Variants in XPNPEP3 observed in about 807,000 individuals in gnomAD.
XPNPEP3 encodes xaa-Pro aminopeptidase 3.
A neutral mutation model predicts 60.0 loss-of-function variants in XPNPEP3; 41 were observed. The observed-to-expected ratio is 0.68, with a 90% CI of 0.53 to 0.89. The LOEUF is 0.89. Ranked by LOEUF, XPNPEP3 falls within the 40% of genes least tolerant of loss-of-function variation. XPNPEP3 has a pLI of 0.00. For synonymous variants in XPNPEP3, 212 were observed against 223.2 expected (o/e 0.95, Z 0.45); for missense variants, 598 against 638.9 (o/e 0.94, Z 0.69).
At chr22:40,875,972 A>T (rs991794936) in intron 2 of XPNPEP3, among the ~76,000 whole-genome samples, 2 of 152,126 alleles carry the variant, frequency 1.3e-5, no homozygotes, top group African/African-American at 4.8e-5. Context: ...GTGAGCTAAG[A>T]TTGCGCCACT....
intron 4 of XPNPEP3, among the ~76,000 whole-genome samples, chr22:40,887,337 A>G (rs2058073305): frequency 6.6e-6 from 1 of 152,146 alleles, no homozygotes; most frequent in Non-Finnish European, 1.5e-5. Flanking sequence ...TCTTTCTCTT[A>G]CAGATTAGGA....
intron 1 of XPNPEP3, among the ~76,000 whole-genome samples, chr22:40,865,325 CT>C (rs11365518): frequency 0.45 from 50,546 of 112,522 alleles, 10,204 homozygotes; most frequent in Admixed American, 0.58. Flanking sequence ...GCCCTCCTCA[CT>C]TTTTTTTTTT....
In XPNPEP3 at chr22:40,886,318, A is replaced by G; in HGVS notation, c.595A>G (p.Thr199Ala). Reference protein sequence around the residue: ...QHLLPKMKAETNMVWYDWMRP... With the variant: ...QHLLPKMKAEANMVWYDWMRP... ...TTTCGGCTTCTCATTCTAAGCTGAG[A>G]CGAACATGGTTTGGTATGACTGGAT... The change falls in exon 4 of 10, where the codon ACG becomes GCG. Residue 199 changes from threonine (T) to alanine (A), a missense_variant. Physicochemically the swap from Thr to Ala is moderately conservative, Grantham distance 58 (BLOSUM62 0). Transcript: ENST00000357137. 2 of 1,614,016 alleles carry G rather than the reference A, an allele frequency of 1.2e-6. No homozygotes were observed. The highest frequency in any genetic ancestry group is 1.7e-6 in the Non-Finnish European group (2 of 1,180,002).
At chr22:40,892,642 A>T (rs2058092505) in intron 4 of XPNPEP3, among the ~76,000 whole-genome samples, 1 of 152,188 alleles carries the variant, frequency 6.6e-6, no homozygotes, top group East Asian at 1.9e-4. Flanking sequence ...CTATTTGTAC[A>T]ACTGTTTCAT....
chr22:40,858,522 CTTTTTTTTTTTT>C (rs34319696), intron 1 of XPNPEP3, among the ~76,000 whole-genome samples: 18 of 85,476 alleles, frequency 2.1e-4, no homozygotes, highest in African/African-American at 7.6e-4. Flanking sequence ...GCTGGAGAAG[CTTTTTTTTTTTT>C]TTTTTTTTTT....
At chr22:40,877,395 T>C (rs1047397286) in intron 2 of XPNPEP3, among the ~76,000 whole-genome samples, 1 of 152,214 alleles carries the variant, frequency 6.6e-6, no homozygotes, top group Non-Finnish European at 1.5e-5. Flanking sequence ...CAGGAAATAA[T>C]TAAAAATACA....
intron 2 of XPNPEP3, among the ~76,000 whole-genome samples, chr22:40,877,731 G>A (rs751520061): frequency 2.6e-5 from 4 of 152,040 alleles, no homozygotes; most frequent in East Asian, 1.9e-4. Flanking sequence ...GTTTTACCAC[G>A]TTGCCTGAGG....
chr22:40,873,098 C>CTTT (rs138353), intron 2 of XPNPEP3, among the ~76,000 whole-genome samples: 175 of 88,508 alleles, frequency 2.0e-3, no homozygotes, highest in Non-Finnish European at 2.4e-3. Context: ...TTTTCTTTTT[C>CTTT]TTTTTTTTTT....
intron 2 of XPNPEP3, among the ~76,000 whole-genome samples, chr22:40,873,623 A>C (rs2058016482): frequency 6.6e-6 from 1 of 151,884 alleles, no homozygotes; most frequent in African/African-American, 2.4e-5. Context: ...CAAAAAAGTA[A>C]GCAAAATTAG....
At chr22:40,875,919 C>T (rs12162697) in intron 2 of XPNPEP3, among the ~76,000 whole-genome samples, 3 of 151,722 alleles carry the variant, frequency 2.0e-5, no homozygotes, top group Admixed American at 6.6e-5. Flanking sequence ...ACTCAGGAGA[C>T]TGAGGCATGA....
intron 4 of XPNPEP3, among the ~76,000 whole-genome samples, chr22:40,906,338 T>C (rs536552887): frequency 3.3e-4 from 50 of 151,950 alleles, no homozygotes; most frequent in African/African-American, 1.2e-3. Context: ...GGAGGATCAC[T>C]TGAGCCCAGG....
At position 40,898,095 on chromosome 22, in the gene XPNPEP3, G is replaced by GTTT. The variant is rs548763134; in HGVS notation, c.793-9487_793-9485dup. ...AATGTTTTAATTTTTATAAAGTCCA[G>GTTT]TTTTTTTGTTGTTGTTAACTGTGCT... is the stretch of plus-strand genomic sequence containing the variant. On this transcript the variant is annotated intron_variant, in intron 4 of 9. Coordinates refer to ENST00000357137, the MANE Select transcript of XPNPEP3 (RefSeq NM_022098.4). Among the ~76,000 whole-genome samples the GTTT allele has an allele frequency of 6.6e-3, 983 of 150,064 alleles. 17 individuals are homozygous for GTTT. Among genetic ancestry groups the GTTT allele is most frequent in the African/African-American group, 0.023 (925 of 39,788 alleles).
intron 2 of XPNPEP3, among the ~76,000 whole-genome samples, chr22:40,881,369 T>C (rs1023647270): frequency 4.6e-5 from 7 of 151,442 alleles, no homozygotes; most frequent in African/African-American, 7.3e-5. Context: ...AGTGGGAGAA[T>C]TGCTTGAGCC....
At position 40,909,210 on chromosome 22, in the gene XPNPEP3, A is replaced by G. The variant is rs2058167795; in HGVS notation, c.944A>G (p.Tyr315Cys). The G allele has an allele frequency of 1.9e-6, 3 of 1,614,202 alleles. No homozygotes were observed. Among genetic ancestry groups the G allele is most frequent in the Non-Finnish European group, 2.5e-6 (3 of 1,180,042 alleles). Residue 315 changes from tyrosine (Y) to cysteine (C), a missense_variant, in exon 6 of 10, where the codon TAT becomes TGT. Coordinates refer to ENST00000357137, the MANE Select transcript of XPNPEP3 (RefSeq NM_022098.4). ...GGTAATCGGTCAAACACTTTGCACT[A>G]TGTGAAAAATAATCAACTCATCAAG... ...AGGNRSNTLHYVKNNQLIKDG... is the reference protein window; with the variant it reads ...AGGNRSNTLHCVKNNQLIKDG...
In XPNPEP3 at chr22:40,926,572, A is replaced by G; in HGVS notation, c.*137A>G. The G allele has an allele frequency of 1.7e-6, 2 of 1,149,056 alleles. No individual in the cohort carries two copies. Among genetic ancestry groups the G allele is most frequent in the Non-Finnish European group, 2.6e-6 (2 of 771,230 alleles). The allele number at this position is 1,149,056 out of a possible 1,614,324, so 71.2% of individuals were successfully genotyped here. A position where few individuals can be genotyped will look rare whatever the true frequency, so the allele number is the denominator to read the frequency against. ...GGGAGCATAGCAGCTGTGTGAATGT[A>G]TGTAATTGTGTGTGGGGGGTTTTTT... On this transcript the variant is annotated 3_prime_UTR_variant, in exon 10 of 10. Transcript: ENST00000357137.
intron 1 of XPNPEP3, among the ~76,000 whole-genome samples, chr22:40,858,684 A>G (rs1186678990): frequency 6.6e-6 from 1 of 151,962 alleles, no homozygotes; most frequent in African/African-American, 2.4e-5. Flanking sequence ...GGCGCCCGCC[A>G]CCACGCCTGG....
intron 2 of XPNPEP3, among the ~76,000 whole-genome samples, chr22:40,881,456 CA>C (rs371356285): frequency 0.092 from 11,049 of 120,002 alleles, 1,269 homozygotes; most frequent in African/African-American, 0.3. Flanking sequence ...AACTCTGTCT[CA>C]AAAAAAAAAA....
chr22:40,872,334 C>A (rs563953313), intron 2 of XPNPEP3, among the ~76,000 whole-genome samples: 9 of 152,208 alleles, frequency 5.9e-5, no homozygotes, highest in Middle Eastern at 3.4e-3. Flanking sequence ...AGGTCTGTAT[C>A]GGTAGAGATG....
intron 2 of XPNPEP3, among the ~76,000 whole-genome samples, chr22:40,874,028 G>C (rs2058018328): frequency 6.6e-6 from 1 of 152,062 alleles, no homozygotes; most frequent in African/African-American, 2.4e-5. Context: ...TTTAAAACTT[G>C]TTAAATATGG....
Sources: allele counts gnomAD v4.1 joint callset (sites outside exome capture counted in the v4.1 genomes callset), GRCh38; gene constraint gnomAD v4.1.1; transcripts MANE v1.5; gene names NCBI Gene and HGNC (gene_info 2026-07-23, HGNC 2026-07-21).